Variants in SEPTIN8 observed in about 807,000 individuals in gnomAD.
The protein encoded by SEPTIN8 is septin-8.
In SEPTIN8, 22 loss-of-function variants were observed where a neutral mutation model predicts 53.1. The observed-to-expected ratio is 0.41, with a 90% CI of 0.30 to 0.59. SEPTIN8 has a LOEUF of 0.59. Among genes scored for constraint, SEPTIN8 ranks in the 20% least tolerant of loss-of-function variants. The pLI is 0.24. For synonymous variants in SEPTIN8, 228 were observed against 248.4 expected (o/e 0.92, Z 0.77); for missense variants, 536 against 638.7 (o/e 0.84, Z 1.73).
Position 132,758,176 on chromosome 5 carries a change from C to T in SEPTIN8, c.1286+2626G>A, listed in dbSNP as rs190094653. 206 of 1,078,850 alleles carry T rather than the reference C, an allele frequency of 1.9e-4. 2 individuals carry two copies. In the African/African-American group the frequency reaches 3.1e-3, roughly 16 times the overall value. The allele number at this position is 1,078,850 out of a possible 1,614,324, so 66.8% of individuals were successfully genotyped here. ...CAGGAAGTTTATTACCCACCTCTCC[C>T]TGTATATGATAGGCATACTTTATAC... On this transcript the variant is annotated intron_variant, in intron 9 of 9. Coordinates refer to ENST00000378719, the MANE Select transcript of SEPTIN8 (RefSeq NM_001098811.2).
At chr5:132,775,117 C>T (rs1757667248) in intron 1 of SEPTIN8, among the ~76,000 whole-genome samples, 1 of 152,202 alleles carries the variant, frequency 6.6e-6, no homozygotes, top group African/African-American at 2.4e-5. Context: ...GCTCTACGCC[C>T]TTGCCTGAGT....
intron 9 of SEPTIN8, chr5:132,756,538 A>G (rs1755358459): frequency 1.0e-6 from 1 of 985,460 alleles, no homozygotes; most frequent in Non-Finnish European, 1.2e-6. Context: ...GTCACATTCT[A>G]TGGGGGCTAA....
chr5:132,777,075 C>T lies in SEPTIN8; in HGVS notation c.30+33G>A. The T allele has an allele frequency of 8.7e-7, 1 of 1,154,506 alleles. No individual in the cohort carries two copies. Among genetic ancestry groups the T allele is most frequent in the Non-Finnish European group, 1.1e-6 (1 of 936,764 alleles). The allele number at this position is 1,154,506 out of a possible 1,614,324, so 71.5% of individuals were successfully genotyped here. On this transcript the variant is annotated intron_variant, in intron 1 of 9. Coordinates refer to ENST00000378719, the MANE Select transcript of SEPTIN8 (RefSeq NM_001098811.2). The surrounding 1 kb of genome is among the most constrained non-coding windows in gnomAD (Gnocchi z 4.1). The stretch of plus-strand genomic sequence containing the variant: ...GCGGCCCCTCCTGCGCCCCGCGCCT[C>T]CCGCGCGCGCCGTGGCCCAGCGGGG...
intron 1 of SEPTIN8, among the ~76,000 whole-genome samples, chr5:132,772,453 A>G (rs1205954281): frequency 6.6e-6 from 1 of 152,174 alleles, no homozygotes; most frequent in Admixed American, 6.5e-5. Flanking sequence ...TGCAGAATGT[A>G]CTAGAACTCC....
In SEPTIN8 at chr5:132,764,433, A is replaced by G. The variant is rs201743130; in HGVS notation, c.152-14T>C. The G allele has an allele frequency of 3.6e-5, 57 of 1,603,560 alleles. No homozygotes were observed. The African/African-American group carries it at 7.4e-4, about 21-fold the overall frequency. ...TGCCGGTCTCCCCTGGGCAGTGAGG[A>G]CAGGAGGGGAAGAAGTGGGTGTCAT... On this transcript the variant is annotated splice_polypyrimidine_tract_variant and intron_variant, in intron 2 of 9. Coordinates refer to ENST00000378719, the MANE Select transcript of SEPTIN8 (RefSeq NM_001098811.2).
chr5:132,779,643 A>C (rs942282088), upstream of SEPTIN8, among the ~76,000 whole-genome samples: 1 of 152,206 alleles, frequency 6.6e-6, no homozygotes, highest in East Asian at 1.9e-4. Context: ...GATGTTGTCA[A>C]GTGTACTTGT....
chr5:132,776,555 G>T lies in SEPTIN8; in HGVS notation c.30+553C>A, dbSNP rs527824481. Among the ~76,000 whole-genome samples, 3 of 152,302 alleles carry T rather than the reference G, an allele frequency of 2.0e-5. No individual in the cohort carries two copies. Among genetic ancestry groups the T allele is most frequent in the African/African-American group, 4.8e-5 (2 of 41,568 alleles). On this transcript the variant is annotated intron_variant, in intron 1 of 9. Transcript: ENST00000378719. This position sits in a 1 kb window ranked among gnomAD's most constrained non-coding sequence, Gnocchi z 4.4. The stretch of plus-strand genomic sequence containing the variant: ...GCCTGGAGTCGCACCCAGGATTCCG[G>T]CGTGGGGAGCGGGGCAGAGGGGAGC...
Position 132,761,139 on chromosome 5 carries a change from T to C in SEPTIN8, c.1089A>G (p.Glu363=). 2 of 1,614,212 alleles carry C rather than the reference T, an allele frequency of 1.2e-6. No individual in the cohort carries two copies. Among genetic ancestry groups the C allele is most frequent in the Non-Finnish European group, 1.7e-6 (2 of 1,180,028 alleles). The change falls in exon 8 of 10, where the codon GAA becomes GAG. Residue 363 remains glutamate, a synonymous_variant. Transcript: ENST00000378719. This position sits in a 1 kb window ranked among gnomAD's most constrained non-coding sequence, Gnocchi z 5.8. ...KETELELKEK[E]RELHEKFEHL... is the part of the protein sequence containing the mutation. ...CCCCCAGCCTGGCACATACCTCCCTTTCCTTCTCCTTCAGCTCCAGCTCTG... is the reference window on the plus strand; with the variant it reads ...CCCCCAGCCTGGCACATACCTCCCTCTCCTTCTCCTTCAGCTCCAGCTCTG...
chr5:132,770,336 C>T (rs940837523), intron 1 of SEPTIN8, among the ~76,000 whole-genome samples: 29 of 151,332 alleles, frequency 1.9e-4, no homozygotes, highest in Non-Finnish European at 3.5e-4. Flanking sequence ...GCAACCACCA[C>T]GCCTGGCTGA....
intron 1 of SEPTIN8, among the ~76,000 whole-genome samples, chr5:132,767,374 C>A (rs1756706657): frequency 6.6e-6 from 1 of 152,064 alleles, no homozygotes; most frequent in Non-Finnish European, 1.5e-5. Flanking sequence ...CAAACTCTGC[C>A]CCTCCCCTCG....
At chr5:132,780,080 T>C (rs911499867), upstream of SEPTIN8, among the ~76,000 whole-genome samples, 2 of 152,184 alleles carry the variant, frequency 1.3e-5, no homozygotes, top group Non-Finnish European at 2.9e-5. Flanking sequence ...GAGGCAATGA[T>C]AGTAATACAG....
chr5:132,758,176 C>G, intron 9 of SEPTIN8: 1 of 1,078,852 alleles, frequency 9.3e-7, no homozygotes, highest in Non-Finnish European at 1.1e-6. Flanking sequence ...CCACCTCTCC[C>G]TGTATATGAT....
chr5:132,771,448 C>T (rs1325474109), intron 1 of SEPTIN8, among the ~76,000 whole-genome samples: 1 of 152,176 alleles, frequency 6.6e-6, no homozygotes, highest in Non-Finnish European at 1.5e-5. Flanking sequence ...CAGAGTTCTC[C>T]AGTGCCTTGG....
rs760705615 is a variant in SEPTIN8 at position 132,751,996 on chromosome 5, C to A, written c.*20G>T. On this transcript the variant is annotated 3_prime_UTR_variant, in exon 10 of 10. Coordinates refer to ENST00000378719, the MANE Select transcript of SEPTIN8 (RefSeq NM_001098811.2). ...TGCCCTGGTGGTCCTGAGCTGGCCCCATGTGTTGGAGCTGCTGCCTCAGAG... is the reference window on the plus strand; with the variant it reads ...TGCCCTGGTGGTCCTGAGCTGGCCCAATGTGTTGGAGCTGCTGCCTCAGAG... 5 of 1,612,074 alleles carry A rather than the reference C, an allele frequency of 3.1e-6. No individual in the cohort carries two copies. In the Middle Eastern group the frequency reaches 8.3e-4, roughly 267 times the overall value.
chr5:132,753,290 T>C, intron 9 of SEPTIN8: 1 of 314,444 alleles, frequency 3.2e-6, no homozygotes, highest in Non-Finnish European at 6.1e-6. Flanking sequence ...CAGCAAGGGT[T>C]GGCATTGGCC....
chr5:132,764,880 T>C (rs1254753203), intron 2 of SEPTIN8, among the ~76,000 whole-genome samples: 1 of 152,008 alleles, frequency 6.6e-6, no homozygotes, highest in African/African-American at 2.4e-5. Flanking sequence ...TGGCTTTAGC[T>C]GGGGGAACTC....
At chr5:132,768,954 G>T (rs534331271) in intron 1 of SEPTIN8, among the ~76,000 whole-genome samples, 10 of 152,294 alleles carry the variant, frequency 6.6e-5, no homozygotes, top group Admixed American at 2.6e-4. Context: ...GGTGCCATAG[G>T]ATCCAAAGTA....
intron 3 of SEPTIN8, 124 bp from the exon 4 acceptor site, chr5:132,764,016 G>T: frequency 9.2e-7 from 1 of 1,091,542 alleles, no homozygotes; most frequent in Non-Finnish European, 1.3e-6. Flanking sequence ...AACAGCTTCT[G>T]CCTGAGATCC....
At chr5:132,766,297 T>G (rs1231608812) in intron 1 of SEPTIN8, among the ~76,000 whole-genome samples, 1 of 152,024 alleles carries the variant, frequency 6.6e-6, no homozygotes, top group Non-Finnish European at 1.5e-5. Flanking sequence ...CACCCCCATC[T>G]CAGCCCTGGT....
Sources: gnomAD v4.1 joint callset for allele counts (sites outside exome capture counted in the v4.1 genomes callset) on GRCh38, gnomAD v4.1.1 for gene constraint, Gnocchi (gnomAD v3.1) non-coding constraint, MANE v1.5 for transcripts, NCBI Gene and HGNC (gene_info 2026-07-23, HGNC 2026-07-21) for gene names.